Variants in PREX2 observed in about 807,000 individuals in gnomAD.
PREX2 encodes the protein phosphatidylinositol-3,4,5-trisphosphate dependent Rac exchange factor 2.
In PREX2, 107 loss-of-function variants were observed where a neutral mutation model predicts 203.2. The ratio of observed to expected loss-of-function variants is 0.53; its 90% CI spans 0.45 to 0.62. PREX2 has a LOEUF of 0.62. Among genes scored for constraint, PREX2 ranks in the 20% least tolerant of loss-of-function variants. PREX2 has a pLI of 0.00. For synonymous variants in PREX2, 672 were observed against 663.6 expected, an observed-to-expected ratio of 1.01 and a Z score of -0.19; for missense variants, 1,777 against 1,955.9, an observed-to-expected ratio of 0.91 and a Z score of 1.72.
chr8:67,968,210 A>G (rs559582996), intron 1 of PREX2, among the ~76,000 whole-genome samples: 5 of 152,016 alleles, frequency 3.3e-5, no homozygotes, highest in Non-Finnish European at 7.4e-5. Context: ...GTAAAGTGCT[A>G]TTGGAAGCAT....
chr8:68,073,094 C>T (rs1809247266), intron 14 of PREX2, among the ~76,000 whole-genome samples: 1 of 151,716 alleles, frequency 6.6e-6, no homozygotes, highest in Admixed American at 6.6e-5. Context: ...GAGAAAATGT[C>T]ATTCGCTTAT....
intron 4 of PREX2, among the ~76,000 whole-genome samples, chr8:68,023,610 T>C (rs1278372017): frequency 1.3e-5 from 2 of 152,156 alleles, no homozygotes; most frequent in African/African-American, 2.4e-5. Context: ...TCAGAAGTTT[T>C]AAATTTTGAT....
chr8:68,120,434 T>C, intron 29 of PREX2, 148 bp downstream of exon 29: 1 of 581,284 alleles, frequency 1.7e-6, no homozygotes, highest in Admixed American at 3.3e-5. Context: ...ATTCTGATAA[T>C]TTTTGAATAT....
chr8:68,169,477 G>A (rs1811831309), intron 35 of PREX2, among the ~76,000 whole-genome samples: 1 of 152,086 alleles, frequency 6.6e-6, no homozygotes, highest in Non-Finnish European at 1.5e-5. Context: ...CAAAGAGGTA[G>A]AAGTCATTTT....
intron 31 of PREX2, 29 bp downstream of exon 31, chr8:68,127,448 CTATT>C: frequency 6.6e-7 from 1 of 1,522,844 alleles, no homozygotes; most frequent in Non-Finnish European, 9.1e-7. Flanking sequence ...TTTTTTTTTA[CTATT>C]TAAGTGATTG....
At chr8:68,014,242 A>G (rs1465078055) in intron 1 of PREX2, among the ~76,000 whole-genome samples, 1 of 152,174 alleles carries the variant, frequency 6.6e-6, no homozygotes, top group African/African-American at 2.4e-5. Context: ...ATTAAACTTT[A>G]ATTAGTGGAT....
At chr8:68,210,599 AG>A (rs1812723932) in intron 37 of PREX2, among the ~76,000 whole-genome samples, 1 of 152,196 alleles carries the variant, frequency 6.6e-6, no homozygotes. Context: ...GTGGCCCAAA[AG>A]GGGTGTTACA....
intron 19 of PREX2, among the ~76,000 whole-genome samples, chr8:68,088,832 A>G (rs1809778831): frequency 6.6e-6 from 1 of 152,198 alleles, no homozygotes; most frequent in African/African-American, 2.4e-5. Flanking sequence ...TAATAGTGCT[A>G]TAAAATAGCT....
chr8:68,127,988 A>T (rs183900809), intron 31 of PREX2, among the ~76,000 whole-genome samples: 3 of 152,306 alleles, frequency 2.0e-5, no homozygotes, highest in Admixed American at 2.0e-4. Context: ...GCATATAGAT[A>T]TTCAACAAAT....
At chr8:67,955,015 A>G (rs1235997488) in intron 1 of PREX2, among the ~76,000 whole-genome samples, 1 of 151,770 alleles carries the variant, frequency 6.6e-6, no homozygotes. Context: ...GTGGTGGTGG[A>G]CACCTTTAAT....
intron 2 of PREX2, among the ~76,000 whole-genome samples, chr8:68,018,297 G>A (rs1443185876): frequency 3.9e-5 from 6 of 151,942 alleles, no homozygotes; most frequent in Admixed American, 6.6e-5. Flanking sequence ...GAGAAACCCC[G>A]TCTCTACTAA....
At chr8:68,224,453 A>G in intron 38 of PREX2, 106 bp from the exon 39 acceptor site, 1 of 836,582 alleles carries the variant, frequency 1.2e-6, no homozygotes, top group South Asian at 1.5e-5. Flanking sequence ...ATCTCCCTTG[A>G]TGTTAAAGAC....
chr8:67,971,799 T>C (rs977879310), intron 1 of PREX2, among the ~76,000 whole-genome samples: 4 of 152,186 alleles, frequency 2.6e-5, no homozygotes, highest in Non-Finnish European at 5.9e-5. Context: ...AACAAATCAT[T>C]TTCCATGTGT....
chr8:68,119,078 C>G (rs2129613065), intron 27 of PREX2, among the ~76,000 whole-genome samples: 1 of 152,268 alleles, frequency 6.6e-6, no homozygotes, highest in Admixed American at 6.5e-5. Context: ...ATATAATTAT[C>G]TTATAAATAT....
intron 39 of PREX2, among the ~76,000 whole-genome samples, chr8:68,230,472 C>T (rs1342406063): frequency 6.6e-6 from 1 of 152,162 alleles, no homozygotes. Context: ...TTCAGCCAAT[C>T]AATCTCTCAG....
At chr8:68,114,549 G>A (rs973543383) in intron 25 of PREX2, among the ~76,000 whole-genome samples, 1 of 152,252 alleles carries the variant, frequency 6.6e-6, no homozygotes, top group South Asian at 2.1e-4. Context: ...TGAGTTAGTT[G>A]TAACAGAAAC....
intron 23 of PREX2, chr8:68,106,484 A>C (rs1438162850): frequency 2.6e-6 from 1 of 381,706 alleles, no homozygotes; most frequent in African/African-American, 2.1e-5. Context: ...CCTGCATTTC[A>C]ATTCAGTTCC....
intron 1 of PREX2, among the ~76,000 whole-genome samples, chr8:67,975,662 A>G (rs1386776907): frequency 7.0e-6 from 1 of 142,890 alleles, no homozygotes; most frequent in Non-Finnish European, 1.5e-5. Context: ...AGTATACTTA[A>G]TATTTATCAG....
intron 9 of PREX2, among the ~76,000 whole-genome samples, chr8:68,054,633 C>A (rs1808621614): frequency 6.6e-6 from 1 of 152,184 alleles, no homozygotes; most frequent in Non-Finnish European, 1.5e-5. Flanking sequence ...AGGATTTTAG[C>A]TTGGCACTGT....
Sources: allele counts gnomAD v4.1 joint callset (sites outside exome capture counted in the v4.1 genomes callset), GRCh38; gene constraint gnomAD v4.1.1; transcripts MANE v1.5; gene names NCBI Gene and HGNC (gene_info 2026-07-23, HGNC 2026-07-21).